Variants in UNC13D observed in about 807,000 individuals in gnomAD.
UNC13D encodes unc-13 homolog D, also known as protein unc-13 homolog D.
In UNC13D, 115 loss-of-function variants were observed where a neutral mutation model predicts 151.7. The observed-to-expected ratio is 0.76, with a 90% CI of 0.65 to 0.88. The LOEUF (loss-of-function observed/expected upper bound fraction) is 0.88. UNC13D is among the 40% of genes least tolerant of loss of function. The pLI is 0.00. For synonymous variants in UNC13D, 588 were observed against 612.2 expected, an observed-to-expected ratio of 0.96 and a Z score of 0.58; for missense variants, 1,369 against 1,438.7, an observed-to-expected ratio of 0.95 and a Z score of 0.78.
intron 31 of UNC13D, 138 bp downstream of exon 31, chr17:75,828,649 G>C (rs2062140158): frequency 1.0e-6 from 1 of 975,632 alleles, no homozygotes; most frequent in Middle Eastern, 3.4e-4. Flanking sequence ...ATTAGACCGA[G>C]AGATGGGCCG....
Position 75,840,247 on chromosome 17 carries a change from T to G in UNC13D, c.836A>C (p.Gln279Pro). ...TYPDRGQCHL[Q>P]FQLIHKRRAT... ...TACCCGCTTATGGATGAGTTGGAAC[T>G]GGAGGTGGCACTGGCCTCGGTCTGG... is the stretch of plus-strand genomic sequence containing the variant. Residue 279 changes from glutamine (Q) to proline (P), a missense_variant, in exon 10 of 32, where the codon CAG becomes CCG. Physicochemically the swap from Gln to Pro is moderately conservative, Grantham distance 76 (BLOSUM62 -1). Coordinates refer to ENST00000207549, the MANE Select transcript of UNC13D (RefSeq NM_199242.3). This position sits in a 1 kb window ranked among gnomAD's most constrained non-coding sequence, Gnocchi z 4.6. 6.2e-7 allele frequency: 1 copy of G among 1,614,004 alleles called. No individual in the cohort carries two copies. The highest frequency in any genetic ancestry group is 8.5e-7 in the Non-Finnish European group (1 of 1,180,004).
chr17:75,844,227 G>C lies in UNC13D; in HGVS notation c.111C>G (p.Ala37=), dbSNP rs776815510. ...CCAGTGAGGTCACTCCTACCTCCGGGGCCATTTGGGGCGGGGGATCCTGTA... is the reference window on the plus strand; with the variant it reads ...CCAGTGAGGTCACTCCTACCTCCGGCGCCATTTGGGGCGGGGGATCCTGTA... ...RDLQDPPPQM[A]PEIQPPSHHF... is the part of the protein sequence containing the mutation. The change falls in exon 1 of 32, where the codon GCC becomes GCG. Residue 37 remains alanine, a synonymous_variant. Coordinates refer to ENST00000207549, the MANE Select transcript of UNC13D (RefSeq NM_199242.3). 1 of 1,611,752 alleles carries C rather than the reference G, an allele frequency of 6.2e-7. No homozygotes were observed. Among genetic ancestry groups the C allele is most frequent in the Admixed American group, 1.7e-5 (1 of 60,018 alleles).
intron 23 of UNC13D, 28 bp downstream of exon 23, chr17:75,834,297 G>C: frequency 6.3e-7 from 1 of 1,591,122 alleles, no homozygotes; most frequent in Non-Finnish European, 8.5e-7. Context: ...GGGATGGGAT[G>C]GGGTGACTGT....
chr17:75,834,040 G>A (rs754131384), intron 24 of UNC13D, 35 bp downstream of exon 24: 1 of 1,611,992 alleles, frequency 6.2e-7, no homozygotes, highest in Admixed American at 1.7e-5. Flanking sequence ...GAGCTGGCAG[G>A]GTGGTGAAGG....
At position 75,843,062 on chromosome 17, in the gene UNC13D, C is replaced by T. The variant is rs149494974; in HGVS notation, c.273G>A (p.Val91=). Reference sequence around the variant, plus strand: ...GTGTCTGCTGGTGCTCCTCGGGCTCCACGTGGAAGGCCTGGTGGGGAGGCA... The same window carrying T: ...GTGTCTGCTGGTGCTCCTCGGGCTCTACGTGGAAGGCCTGGTGGGGAGGCA... ...LLRYLQEAFH[V]EPEEHQQTLQ... The change falls in exon 4 of 32, where the codon GTG becomes GTA. Residue 91 remains valine (V), a synonymous_variant. Coordinates refer to ENST00000207549, the MANE Select transcript of UNC13D (RefSeq NM_199242.3). 1.6e-4 allele frequency: 261 copies of T among 1,607,158 alleles called. 1 individual carries two copies. Among genetic ancestry groups the T allele is most frequent in the South Asian group, 8.0e-4 (73 of 91,022 alleles).
At chr17:75,829,013 G>A (rs1467560192) in intron 30 of UNC13D, 30 bp from the exon 31 acceptor site, 1 of 1,595,488 alleles carries the variant, frequency 6.3e-7, no homozygotes. Flanking sequence ...TCTGCTGCCA[G>A]CCCCAGCACA....
intron 6 of UNC13D, 42 bp downstream of exon 6, chr17:75,842,391 G>A (rs1190909775): frequency 2.5e-6 from 4 of 1,589,580 alleles, no homozygotes; most frequent in African/African-American, 1.3e-5. Context: ...TGCTACCCAG[G>A]AAAGACCTGG....
chr17:75,828,160 T>TGG (rs1344026996), intron 31 of UNC13D, 74 bp from the exon 32 acceptor site: 5 of 1,532,934 alleles, frequency 3.3e-6, no homozygotes, highest in Non-Finnish European at 4.4e-6. Flanking sequence ...GAAGAGTGTG[T>TGG]GGGGGGGTAC....
At position 75,836,677 on chromosome 17, in the gene UNC13D, G is replaced by A. The variant is rs747756030; in HGVS notation, c.1193C>T (p.Ser398Leu). The A allele has an allele frequency of 6.2e-7, 1 of 1,613,696 alleles. No individual in the cohort carries two copies. The highest frequency in any genetic ancestry group is 8.5e-7 in the Non-Finnish European group (1 of 1,180,030). The change falls in exon 14 of 32, where the codon TCA becomes TTA. Residue 398 changes from serine to leucine, a missense_variant. Ser to Leu is a moderately radical substitution (Grantham distance 145). Around this residue, in one of 3 missense-constraint regions of UNC13D, gnomAD observed 550 missense variants for 609.0 expected, o/e 0.90. Coordinates refer to ENST00000207549, the MANE Select transcript of UNC13D (RefSeq NM_199242.3). ...GCCGTAGGTCAGCAGGGAGCTGAAT[G>A]AGGCGGCCAGCTCCTCCTGCTGAAG... ...KAEQQEELAA[S>L]FSSLLTYGLS...
rs1372500041 is a variant in UNC13D at position 75,830,606 on chromosome 17, T to G, written c.2681A>C (p.Lys894Thr). Residue 894 changes from lysine (K) to threonine (T), a missense_variant, in exon 28 of 32, where the codon AAG becomes ACG. Transcript: ENST00000207549. Reference protein sequence around the residue: ...QAASSRELIRKYFCSRIQQQA... With the variant: ...QAASSRELIRTYFCSRIQQQA... The stretch of plus-strand genomic sequence containing the variant: ...CTGCTGGATTCGGCTGCAGAAGTAC[T>G]TCCGGATGAGTTCCCGGCTGGAGGC... 1 of 1,559,724 alleles carries G rather than the reference T, an allele frequency of 6.4e-7. No homozygotes were observed. Among genetic ancestry groups the G allele is most frequent in the Admixed American group, 1.9e-5 (1 of 52,122 alleles).
chr17:75,830,044 C>A lies in UNC13D; in HGVS notation c.2938G>T (p.Asp980Tyr). The change falls in exon 30 of 32, where the codon GAT becomes TAT. Residue 980 changes from aspartate to tyrosine, a missense_variant. Transcript: ENST00000207549. Reference sequence around the variant, plus strand: ...CCCACTCACAATTCAAAGGTCTCATCAAACAATGGGTGAAGGTCCTTCTTG... The same window carrying A: ...CCCACTCACAATTCAAAGGTCTCATAAAACAATGGGTGAAGGTCCTTCTTG... ...KHKKDLHPLFDETFEFLVPAE... is the reference protein window; with the variant it reads ...KHKKDLHPLFYETFEFLVPAE... 1 of 1,577,508 alleles carries A rather than the reference C, an allele frequency of 6.3e-7. No homozygotes were observed. Among genetic ancestry groups the A allele is most frequent in the Non-Finnish European group, 8.6e-7 (1 of 1,161,400 alleles).
Position 75,835,767 on chromosome 17 carries a change from C to G in UNC13D, c.1607G>C (p.Arg536Pro), listed in dbSNP as rs143305366. 1 of 1,613,832 alleles carries G rather than the reference C, an allele frequency of 6.2e-7. No homozygotes were observed. Among genetic ancestry groups the G allele is most frequent in the Non-Finnish European group, 8.5e-7 (1 of 1,180,044 alleles). ...CACAACCGTCGTGTGGTCCTGCACC[C>G]GCTTGGCCACCTGCAAAGGAAAGGT... is the stretch of plus-strand genomic sequence containing the variant. ...FRELQWLVAK[R>P]VQDHTTVVGD... is the part of the protein sequence containing the mutation. The change falls in exon 19 of 32, where the codon CGG becomes CCG. Residue 536 changes from arginine (R) to proline (P), a missense_variant. Coordinates refer to ENST00000207549, the MANE Select transcript of UNC13D (RefSeq NM_199242.3).
chr17:75,830,375 G>C lies in UNC13D; in HGVS notation c.2817C>G (p.Pro939=). The change falls in exon 29 of 32, where the codon CCC becomes CCG. Residue 939 remains proline (P), a synonymous_variant. Coordinates refer to ENST00000207549, the MANE Select transcript of UNC13D (RefSeq NM_199242.3). The part of the protein sequence containing the change: ...VELLSASSLL[P]LDSNGSSDPF... The stretch of plus-strand genomic sequence containing the variant: ...GCCTCCACTCACCATTGGAGTCCAG[G>C]GGCAGCAGGCTGGAGGCGCTGAGCA... The C allele has an allele frequency of 6.3e-7, 1 of 1,592,334 alleles. No individual in the cohort carries two copies. The highest frequency in any genetic ancestry group is 2.3e-5 in the East Asian group (1 of 44,160).
At position 75,828,819 on chromosome 17, in the gene UNC13D, G is replaced by A. The variant is rs1353152008; in HGVS notation, c.3119C>T (p.Thr1040Ile). The change falls in exon 31 of 32, where the codon ACC (threonine) becomes ATC (isoleucine). Residue 1040 changes from threonine to isoleucine, a missense_variant. Physicochemically the swap from Thr to Ile is moderately conservative, Grantham distance 89. This residue lies in a region of UNC13D where 807 missense variants were observed against 795.5 expected (regional missense o/e 1.01). Coordinates refer to ENST00000207549, the MANE Select transcript of UNC13D (RefSeq NM_199242.3). ...GSEEPGEVPQTRLPLTYPAPN... is the reference protein window; with the variant it reads ...GSEEPGEVPQIRLPLTYPAPN... ...TGCGGGGTACGTGAGGGGCAGGCGG[G>A]TCTGAGGCACCTCACCAGGCTCCTC... The A allele has an allele frequency of 1.3e-6, 2 of 1,563,486 alleles. No individual in the cohort carries two copies. Among genetic ancestry groups the A allele is most frequent in the African/African-American group, 1.4e-5 (1 of 73,960 alleles).
At chr17:75,836,945 G>A in intron 12 of UNC13D, 27 bp from the exon 13 acceptor site, 1 of 1,608,390 alleles carries the variant, frequency 6.2e-7, no homozygotes, top group Non-Finnish European at 8.5e-7. Flanking sequence ...GCCCTCAGCT[G>A]GACAGGGAGG....
In UNC13D at chr17:75,839,894, C is replaced by G. The variant is rs373019036; in HGVS notation, c.1000G>C (p.Val334Leu). 3.7e-6 allele frequency: 6 copies of G among 1,613,738 alleles called. No homozygotes were observed. Among genetic ancestry groups the G allele is most frequent in the Non-Finnish European group, 5.1e-6 (6 of 1,180,012 alleles). The change falls in exon 12 of 32, where the codon GTC becomes CTC. Residue 334 changes from valine (V) to leucine (L), a missense_variant. By Grantham distance (32) the Val-to-Leu change is conservative. Transcript: ENST00000207549. The stretch of plus-strand genomic sequence containing the variant: ...TTCTGTGTGGCGTGCAGAAAGAGGA[C>G]GGTGGCAGCCTGGGGACTCAGCGAC... ...DGSLSPQAAT[V>L]LFLHATQKDL...
In UNC13D at chr17:75,834,645, C is replaced by T. The variant is rs769108198; in HGVS notation, c.2064G>A (p.Gln688=). ...TGTTGGCTGCCTGGCCTTGGTCCTT[C>T]TGGCCTGAAGAGAGCTCGCGGGCCC... The part of the protein sequence containing the change: ...KARARELSSG[Q]KDQGQAANML... The change falls in exon 22 of 32, where the codon CAG becomes CAA. Residue 688 remains glutamine, a synonymous_variant. Transcript: ENST00000207549. 3.1e-6 allele frequency: 5 copies of T among 1,613,846 alleles called. No individual in the cohort carries two copies. Among genetic ancestry groups the T allele is most frequent in the Non-Finnish European group, 4.2e-6 (5 of 1,180,024 alleles).
chr17:75,831,382 C>CGGCAGGG, intron 25 of UNC13D, 34 bp from the exon 26 acceptor site: 1 of 1,583,992 alleles, frequency 6.3e-7, no homozygotes, highest in Non-Finnish European at 8.6e-7. Flanking sequence ...GGACACAGCA[C>CGGCAGGG]GGCAGGGCGG....
At position 75,830,584 on chromosome 17, in the gene UNC13D, CTGGAT is replaced by C. The variant is rs1039337078; in HGVS notation, c.2698_2702del (p.Ile900AlafsTer8). The C allele has an allele frequency of 6.4e-7, 1 of 1,561,208 alleles. No individual in the cohort carries two copies. Among genetic ancestry groups the C allele is most frequent in the African/African-American group, 1.4e-5 (1 of 73,494 alleles). On this transcript the variant is annotated frameshift_variant, in exon 28 of 32. Coordinates refer to ENST00000207549, the MANE Select transcript of UNC13D (RefSeq NM_199242.3). LOFTEE classifies it high-confidence loss of function. ...TGCGAGGGAGGGGCCTCACCTGCTG[CTGGAT>C]TCGGCTGCAGAAGTACTTCCGGATG...
Sources: allele counts gnomAD v4.1 joint callset, GRCh38; gene constraint gnomAD v4.1.1; regional missense constraint gnomAD v4.1.1; non-coding constraint Gnocchi (gnomAD v3.1); transcripts MANE v1.5; gene names NCBI Gene and HGNC (gene_info 2026-07-23, HGNC 2026-07-21).